OLFM2: variants seen among roughly 807,000 people sequenced by gnomAD.
OLFM2 encodes olfactomedin 2.
A neutral mutation model predicts 43.9 loss-of-function variants in OLFM2; 20 were observed. The observed-to-expected ratio is 0.46, with a 90% CI of 0.32 to 0.66. OLFM2 has a LOEUF of 0.66. OLFM2 is among the 30% of genes least tolerant of loss of function. The pLI is 0.04. For missense variants in OLFM2, 416 were observed against 643.6 expected (o/e 0.65, Z 3.83); for synonymous variants, 268 against 278.6 (o/e 0.96, Z 0.38).
rs756649250 is a variant in OLFM2 at position 9,860,742 on chromosome 19, G to A, written c.116C>T (p.Ala39Val). Residue 39 changes from alanine to valine, a missense_variant, in exon 2 of 6, where the codon GCC (alanine) becomes GTC (valine). Ala to Val is a moderately conservative substitution (Grantham distance 64, BLOSUM62 0). Coordinates refer to ENST00000264833, the MANE Select transcript of OLFM2 (RefSeq NM_058164.4). ...CGTGCAGATGCATTTCCCGTCAGGG[G>A]CCTGGGCTGAGGTGTACAGCTGCCA... ...EGWQLYTSAQ[A>V]PDGKCICTAV... is the part of the protein sequence containing the mutation. 1.9e-6 allele frequency: 3 copies of A among 1,609,532 alleles called. No individual in the cohort carries two copies. The highest frequency in any genetic ancestry group is 2.2e-5 in the East Asian group (1 of 44,734).
intron 1 of OLFM2, among the ~76,000 whole-genome samples, chr19:9,897,188 G>T (rs1207825395): frequency 6.6e-6 from 1 of 152,120 alleles, no homozygotes; most frequent in African/African-American, 2.4e-5. Flanking sequence ...AATTAGGCAG[G>T]CATGGTGGTG....
At chr19:9,935,316 G>A (rs1599508410) in intron 1 of OLFM2, among the ~76,000 whole-genome samples, 2 of 152,080 alleles carry the variant, frequency 1.3e-5, no homozygotes, top group East Asian at 3.9e-4. Flanking sequence ...GAACTTGGGG[G>A]TGCTCTCACT....
chr19:9,857,681 G>A lies in OLFM2; in HGVS notation c.360+34C>T. Reference sequence around the variant, plus strand: ...AATGGATACCAAATCCCAGTCATTTGTTTGACCTCTGGTCTGGACACAGGA... The same window carrying A: ...AATGGATACCAAATCCCAGTCATTTATTTGACCTCTGGTCTGGACACAGGA... On this transcript the variant is annotated intron_variant, in intron 3 of 5. Transcript: ENST00000264833. The surrounding 1 kb of genome is among the most constrained non-coding windows in gnomAD (Gnocchi z 5.7). 6.2e-7 allele frequency: 1 copy of A among 1,613,904 alleles called. No individual in the cohort carries two copies. Among genetic ancestry groups the A allele is most frequent in the Non-Finnish European group, 8.5e-7 (1 of 1,179,914 alleles).
intron 1 of OLFM2, among the ~76,000 whole-genome samples, chr19:9,876,972 G>A (rs1317719288): frequency 6.6e-6 from 1 of 152,126 alleles, no homozygotes; most frequent in African/African-American, 2.4e-5. Flanking sequence ...GCTCACACCT[G>A]TAATCCCAAC....
intron 1 of OLFM2, among the ~76,000 whole-genome samples, chr19:9,890,110 C>T (rs1455893881): frequency 6.6e-6 from 1 of 152,098 alleles, no homozygotes; most frequent in Non-Finnish European, 1.5e-5. Flanking sequence ...TCTCTTCCCT[C>T]TGGGCTCCCC....
chr19:9,877,208 C>A (rs1010633635), intron 1 of OLFM2, among the ~76,000 whole-genome samples: 1 of 133,394 alleles, frequency 7.5e-6, no homozygotes, highest in African/African-American at 2.9e-5. Context: ...CCAGCCTTGG[C>A]GACAGAGTGA....
Position 9,857,189 on chromosome 19 carries a change from G to T in OLFM2, c.580+74C>A. ...AGGTCAAAACTGTGTCCAGCTTCTA[G>T]GCACAAACAGGTGATACTGGAGTTG... On this transcript the variant is annotated intron_variant, in intron 4 of 5. Coordinates refer to ENST00000264833, the MANE Select transcript of OLFM2 (RefSeq NM_058164.4). The surrounding 1 kb of genome is among the most constrained non-coding windows in gnomAD (Gnocchi z 5.7). 7.2e-7 allele frequency: 1 copy of T among 1,395,544 alleles called. No homozygotes were observed. The highest frequency in any genetic ancestry group is 1.0e-6 in the Non-Finnish European group (1 of 987,374). 86.4% of individuals were successfully genotyped at this position (1,395,544 alleles called of 1,614,324 possible). A position where few individuals can be genotyped will look rare whatever the true frequency, so the allele number is the denominator to read the frequency against.
intron 1 of OLFM2, among the ~76,000 whole-genome samples, chr19:9,875,366 GCGAGGGTTCTGGAATGATCCACAGAC>G (rs1274547700): frequency 6.6e-6 from 1 of 152,180 alleles, no homozygotes; most frequent in African/African-American, 2.4e-5. Flanking sequence ...GCAGGGAAGA[GCGAGGGTTCTGGAATGATCCACAGAC>G]TCTGATGTCC....
intron 1 of OLFM2, among the ~76,000 whole-genome samples, chr19:9,902,603 G>T (rs2046750542): frequency 6.6e-6 from 1 of 151,932 alleles, no homozygotes; most frequent in Admixed American, 6.6e-5. Flanking sequence ...GGCCAGGCTG[G>T]TCTTGAACTC....
intron 1 of OLFM2, among the ~76,000 whole-genome samples, chr19:9,896,697 T>C (rs1163374669): frequency 1.3e-5 from 2 of 152,160 alleles, no homozygotes; most frequent in African/African-American, 4.8e-5. Flanking sequence ...TCCTCTGACT[T>C]CCAAATTACA....
chr19:9,915,398 G>A (rs2046867275), intron 1 of OLFM2, among the ~76,000 whole-genome samples: 1 of 151,830 alleles, frequency 6.6e-6, no homozygotes, highest in Admixed American at 6.6e-5. Flanking sequence ...ATTCTATGGG[G>A]TGAGACAGTC....
chr19:9,875,141 T>C (rs189311721), intron 1 of OLFM2, among the ~76,000 whole-genome samples: 85 of 152,306 alleles, frequency 5.6e-4, no homozygotes, highest in African/African-American at 1.9e-3. Flanking sequence ...TTCAGAAAGA[T>C]TTGTTTTTGA....
intron 1 of OLFM2, among the ~76,000 whole-genome samples, chr19:9,923,806 T>A (rs1265365050): frequency 6.9e-6 from 1 of 144,382 alleles, no homozygotes; most frequent in Non-Finnish European, 1.5e-5. Context: ...ATTAAACAAA[T>A]TTTTTTTGTA....
chr19:9,881,878 C>G (rs576436944), intron 1 of OLFM2, among the ~76,000 whole-genome samples: 1 of 152,034 alleles, frequency 6.6e-6, no homozygotes, highest in African/African-American at 2.4e-5. Context: ...TTAATCACCT[C>G]TTAAAAAAAC....
chr19:9,933,920 A>G (rs1361299240), intron 1 of OLFM2, among the ~76,000 whole-genome samples: 1 of 152,172 alleles, frequency 6.6e-6, no homozygotes, highest in Non-Finnish European at 1.5e-5. Flanking sequence ...TTATATGTAT[A>G]TTTAGTTGCC....
At chr19:9,910,533 C>G (rs2046819256) in intron 1 of OLFM2, among the ~76,000 whole-genome samples, 1 of 152,024 alleles carries the variant, frequency 6.6e-6, no homozygotes, top group Admixed American at 6.6e-5. Context: ...CCAGCTTGGG[C>G]AACATGGTGA....
At chr19:9,884,434 G>A (rs1039147691) in intron 1 of OLFM2, among the ~76,000 whole-genome samples, 1 of 151,860 alleles carries the variant, frequency 6.6e-6, no homozygotes, top group Middle Eastern at 3.4e-3. Context: ...AAAATTAGCC[G>A]GGTGTGGTGG....
intron 1 of OLFM2, among the ~76,000 whole-genome samples, chr19:9,912,551 A>C (rs1195583765): frequency 3.9e-5 from 6 of 151,982 alleles, no homozygotes; most frequent in Admixed American, 3.9e-4. Flanking sequence ...GGGGAAAGGC[A>C]TATCTGGAGG....
chr19:9,935,755 C>T (rs1227587674), intron 1 of OLFM2, among the ~76,000 whole-genome samples: 1 of 151,696 alleles, frequency 6.6e-6, no homozygotes, highest in East Asian at 1.9e-4. Context: ...GCCCCCCAAC[C>T]GCCACACACA....
Sources: allele counts gnomAD v4.1 joint callset (sites outside exome capture counted in the v4.1 genomes callset), GRCh38; gene constraint gnomAD v4.1.1; non-coding constraint Gnocchi (gnomAD v3.1); transcripts MANE v1.5; gene names NCBI Gene and HGNC (gene_info 2026-07-23, HGNC 2026-07-21).